Variants in NAALADL2 observed in about 807,000 individuals in gnomAD.
NAALADL2 encodes inactive N-acetylated-alpha-linked acidic dipeptidase-like protein 2.
In NAALADL2, 76 loss-of-function variants were observed where a neutral mutation model predicts 87.2. That is an observed-to-expected ratio of 0.87 (90% CI 0.72 to 1.05). NAALADL2 has a LOEUF of 1.05. Ranked by LOEUF, NAALADL2 falls within the 50% of genes least tolerant of loss-of-function variation. The pLI is 0.00. For synonymous variants in NAALADL2, 354 were observed against 331.0 expected (o/e 1.07, Z -0.75); for missense variants, 1,089 against 945.8 (o/e 1.15, Z -1.99).
intron 2 of NAALADL2, among the ~76,000 whole-genome samples, chr3:175,150,259 G>A (rs1425200717): frequency 6.6e-6 from 1 of 152,074 alleles, no homozygotes; most frequent in East Asian, 1.9e-4. Context: ...AAAATTCATG[G>A]CTAGCCTATT....
At chr3:175,508,357 C>T (rs1288543946) in intron 9 of NAALADL2, among the ~76,000 whole-genome samples, 3 of 152,142 alleles carry the variant, frequency 2.0e-5, no homozygotes, top group Admixed American at 1.3e-4. Flanking sequence ...ATCAACACCC[C>T]AGGTCACCTG....
At chr3:175,116,067 T>C (rs1457458225) in intron 2 of NAALADL2, among the ~76,000 whole-genome samples, 1 of 151,974 alleles carries the variant, frequency 6.6e-6, no homozygotes, top group Non-Finnish European at 1.5e-5. Flanking sequence ...AAACTAGGTA[T>C]TGATGGGACG....
At chr3:175,100,554 A>T (rs1391830750) in intron 2 of NAALADL2, among the ~76,000 whole-genome samples, 6 of 152,102 alleles carry the variant, frequency 3.9e-5, no homozygotes, top group African/African-American at 1.4e-4. Flanking sequence ...AGTGCAAAAG[A>T]AGGCCAGGGG....
At chr3:175,030,818 A>T (rs1271650835) in intron 1 of NAALADL2, among the ~76,000 whole-genome samples, 2 of 152,072 alleles carry the variant, frequency 1.3e-5, no homozygotes, top group Non-Finnish European at 2.9e-5. Flanking sequence ...AGTTTTATCA[A>T]AGAATTTCAT....
chr3:174,798,351 TTTGGAACTGTC>T (rs1412065444), intron 3 of NAALADL2, among the ~76,000 whole-genome samples: 14 of 152,326 alleles, frequency 9.2e-5, no homozygotes, highest in African/African-American at 3.1e-4. Context: ...GGGTTTGAAA[TTTGGAACTGTC>T]AGTCCTACAG....
intron 9 of NAALADL2, among the ~76,000 whole-genome samples, chr3:175,479,746 CA>C (rs1726191730): frequency 6.6e-6 from 1 of 151,760 alleles, no homozygotes; most frequent in Non-Finnish European, 1.5e-5. Flanking sequence ...TATAACCTGA[CA>C]TGAATCTCTC....
At chr3:175,209,979 C>T (rs751933146) in intron 2 of NAALADL2, among the ~76,000 whole-genome samples, 20 of 151,696 alleles carry the variant, frequency 1.3e-4, no homozygotes, top group East Asian at 7.7e-4. Flanking sequence ...AAATAGCCAA[C>T]GAATAGTAGC....
At chr3:175,196,716 G>A (rs367551570) in intron 2 of NAALADL2, among the ~76,000 whole-genome samples, 13 of 151,998 alleles carry the variant, frequency 8.6e-5, no homozygotes, top group African/African-American at 2.9e-4. Flanking sequence ...CAAAAAGTAC[G>A]AGGTTTTTGC....
At chr3:174,619,901 A>C (rs1376997558) in intron 2 of NAALADL2, among the ~76,000 whole-genome samples, 1 of 152,028 alleles carries the variant, frequency 6.6e-6, no homozygotes, top group African/African-American at 2.4e-5. Flanking sequence ...TATACTATGC[A>C]CTATGCTAGG....
intron 1 of NAALADL2, among the ~76,000 whole-genome samples, chr3:174,522,933 C>CAAAAAAAAAAAAA (rs57653560): frequency 2.6e-5 from 2 of 75,838 alleles, no homozygotes; most frequent in African/African-American, 4.7e-5. Flanking sequence ...GACTCTGTCT[C>CAAAAAAAAAAAAA]AAAAAAAAAA....
intron 2 of NAALADL2, among the ~76,000 whole-genome samples, chr3:174,651,396 GTC>G (rs908512558): frequency 1.3e-5 from 2 of 152,158 alleles, no homozygotes; most frequent in African/African-American, 4.8e-5. Flanking sequence ...CTGTAGTAAA[GTC>G]TGTTTTGTGC....
chr3:175,370,114 T>G (rs1363721729), intron 5 of NAALADL2, among the ~76,000 whole-genome samples: 3 of 152,102 alleles, frequency 2.0e-5, no homozygotes, highest in Admixed American at 6.6e-5. Flanking sequence ...AGAATGATTA[T>G]TTCAATATCC....
At chr3:174,537,688 A>C (rs535975352) in intron 1 of NAALADL2, among the ~76,000 whole-genome samples, 2 of 152,298 alleles carry the variant, frequency 1.3e-5, no homozygotes, top group Admixed American at 1.3e-4. Flanking sequence ...TCAGGGAGTG[A>C]TATGGCAGTA....
At chr3:174,772,074 G>A (rs1180873840) in intron 3 of NAALADL2, among the ~76,000 whole-genome samples, 1 of 151,922 alleles carries the variant, frequency 6.6e-6, no homozygotes, top group Non-Finnish European at 1.5e-5. Context: ...GATGATCATT[G>A]GTAATTGATG....
chr3:175,305,200 A>G (rs1260849664), intron 4 of NAALADL2, among the ~76,000 whole-genome samples: 2 of 151,960 alleles, frequency 1.3e-5, no homozygotes, highest in Non-Finnish European at 2.9e-5. Flanking sequence ...GGCCACATGT[A>G]TAGAATATTT....
chr3:175,075,788 C>A (rs1448148416), intron 1 of NAALADL2, among the ~76,000 whole-genome samples: 1 of 152,120 alleles, frequency 6.6e-6, no homozygotes, highest in African/African-American at 2.4e-5. Flanking sequence ...TGTGTCACAA[C>A]TGACACCTGA....
intron 8 of NAALADL2, among the ~76,000 whole-genome samples, chr3:175,470,713 G>C (rs926813607): frequency 1.3e-5 from 2 of 152,084 alleles, no homozygotes; most frequent in African/African-American, 4.8e-5. Flanking sequence ...AAGACTTAGT[G>C]GTCCTTCTTA....
intron 1 of NAALADL2, among the ~76,000 whole-genome samples, chr3:174,446,529 T>C (rs2108263760): frequency 6.6e-6 from 1 of 152,332 alleles, no homozygotes; most frequent in South Asian, 2.1e-4. Flanking sequence ...GGTGATAAAG[T>C]CACTTCAAAT....
chr3:175,407,024 T>C (rs1022395500), intron 5 of NAALADL2, among the ~76,000 whole-genome samples: 2 of 151,798 alleles, frequency 1.3e-5, no homozygotes, highest in South Asian at 4.2e-4. Context: ...CTACTAAAAA[T>C]AGAAAAAAAA....
Sources: allele counts gnomAD v4.1 joint callset (sites outside exome capture counted in the v4.1 genomes callset), GRCh38; gene constraint gnomAD v4.1.1; transcripts MANE v1.5; gene names NCBI Gene and HGNC (gene_info 2026-07-23, HGNC 2026-07-21).